ME1: variants seen among roughly 807,000 people sequenced by gnomAD.
ME1 encodes the protein NADP-dependent malic enzyme.
Under a neutral mutation model 66.4 loss-of-function variants are expected in ME1, and 74 were observed. The observed-to-expected ratio is 1.11, with a 90% CI of 0.92 to 1.35. The LOEUF (loss-of-function observed/expected upper bound fraction) is 1.35, where lower values mean the gene tolerates loss of function less well. Among genes scored for constraint, ME1 ranks in the 40% most tolerant of loss-of-function variants. The pLI is 0.00. For synonymous variants in ME1, 251 were observed against 235.6 expected, an observed-to-expected ratio of 1.07 and a Z score of -0.60; for missense variants, 750 against 694.1, an observed-to-expected ratio of 1.08 and a Z score of -0.90.
At chr6:83,281,454 T>A (rs1767284779) in intron 6 of ME1, among the ~76,000 whole-genome samples, 1 of 152,050 alleles carries the variant, frequency 6.6e-6, no homozygotes, top group Non-Finnish European at 1.5e-5. Context: ...TCTTACATTA[T>A]CTAAACTAAT....
chr6:83,384,009 C>T (rs985559733), intron 3 of ME1, among the ~76,000 whole-genome samples: 9 of 151,768 alleles, frequency 5.9e-5, no homozygotes, highest in Non-Finnish European at 8.8e-5. Context: ...TGATTTCATT[C>T]TTTTTATGGC....
intron 5 of ME1, among the ~76,000 whole-genome samples, chr6:83,324,924 T>G (rs1369396795): frequency 6.6e-6 from 1 of 151,988 alleles, no homozygotes; most frequent in Non-Finnish European, 1.5e-5. Flanking sequence ...ACAAGAAAAT[T>G]TCAGGCCAAT....
chr6:83,238,047 C>T (rs1790447981), intron 8 of ME1, among the ~76,000 whole-genome samples: 1 of 152,102 alleles, frequency 6.6e-6, no homozygotes, highest in Non-Finnish European at 1.5e-5. Context: ...CCTTGATTGT[C>T]AGTGTATTTA....
intron 3 of ME1, among the ~76,000 whole-genome samples, chr6:83,369,656 GAA>G (rs1554271153): frequency 5.0e-5 from 3 of 59,612 alleles, no homozygotes; most frequent in African/African-American, 1.7e-4. Flanking sequence ...ACAGAGAGAG[GAA>G]GGAAGGAAGG....
At chr6:83,424,974 C>G (rs998331757) in intron 1 of ME1, among the ~76,000 whole-genome samples, 1 of 152,064 alleles carries the variant, frequency 6.6e-6, no homozygotes, top group African/African-American at 2.4e-5. Flanking sequence ...ACTCCTTCAG[C>G]CTCTGGATCT....
intron 6 of ME1, among the ~76,000 whole-genome samples, chr6:83,264,584 A>G (rs1766954473): frequency 6.6e-6 from 1 of 152,186 alleles, no homozygotes; most frequent in African/African-American, 2.4e-5. Context: ...AAACATCAAC[A>G]TTAATGGGAG....
intron 5 of ME1, among the ~76,000 whole-genome samples, chr6:83,321,561 A>G (rs2128540416): frequency 6.6e-6 from 1 of 152,228 alleles, no homozygotes; most frequent in African/African-American, 2.4e-5. Flanking sequence ...GAAGCCCACC[A>G]CAGCACCACA....
chr6:83,406,452 C>T (rs1241768044), intron 2 of ME1, among the ~76,000 whole-genome samples: 1 of 152,180 alleles, frequency 6.6e-6, no homozygotes, highest in Non-Finnish European at 1.5e-5. Flanking sequence ...GTGAATCCAT[C>T]TGATCCTGGG....
chr6:83,425,972 G>T (rs1348535105), intron 1 of ME1, among the ~76,000 whole-genome samples: 2 of 152,144 alleles, frequency 1.3e-5, no homozygotes, highest in Non-Finnish European at 2.9e-5. Context: ...GACTAGTATT[G>T]TTAATGCAGG....
At chr6:83,430,044 GCAT>G (rs1049806035) in intron 1 of ME1, among the ~76,000 whole-genome samples, 3 of 152,226 alleles carry the variant, frequency 2.0e-5, no homozygotes, top group Middle Eastern at 3.4e-3. Context: ...TGCTTATATT[GCAT>G]CACCAGTGAA....
At chr6:83,429,284 T>A (rs1469529655) in intron 1 of ME1, among the ~76,000 whole-genome samples, 1 of 151,494 alleles carries the variant, frequency 6.6e-6, no homozygotes, top group African/African-American at 2.4e-5. Context: ...ATAATAATAA[T>A]AAATTCTTGA....
intron 1 of ME1, among the ~76,000 whole-genome samples, chr6:83,416,706 T>G (rs1043961539): frequency 6.6e-6 from 1 of 151,782 alleles, no homozygotes; most frequent in East Asian, 1.9e-4. Context: ...CTGGGCAACA[T>G]AGTGAGATCC....
Position 83,340,992 on chromosome 6 carries a change from C to T in ME1, c.600+5181G>A, listed in dbSNP as rs149722448. On this transcript the variant is annotated intron_variant, in intron 5 of 13. Transcript: ENST00000369705. ...TTGAATAAGGGCCTAATCCTTTTATCTAGTAGCTTAGCGACCATAACTGAG... is the reference window on the plus strand; with the variant it reads ...TTGAATAAGGGCCTAATCCTTTTATTTAGTAGCTTAGCGACCATAACTGAG... 6.8e-3 allele frequency among the ~76,000 whole-genome samples: 1,029 copies of T among 152,122 alleles called. 9 individuals carry two copies. The highest frequency in any genetic ancestry group is 0.01 in the Non-Finnish European group (705 of 68,002).
At chr6:83,374,062 A>G (rs947577510) in intron 3 of ME1, among the ~76,000 whole-genome samples, 11 of 152,176 alleles carry the variant, frequency 7.2e-5, no homozygotes, top group African/African-American at 2.7e-4. Context: ...CAATAAACAT[A>G]TGTGTGCATG....
At chr6:83,344,931 A>G (rs1259509958) in intron 5 of ME1, among the ~76,000 whole-genome samples, 1 of 151,818 alleles carries the variant, frequency 6.6e-6, no homozygotes, top group Non-Finnish European at 1.5e-5. Flanking sequence ...TTTTATTTCA[A>G]TGCAACTTAT....
chr6:83,317,686 T>A (rs1325948256), intron 5 of ME1, among the ~76,000 whole-genome samples: 1 of 152,178 alleles, frequency 6.6e-6, no homozygotes, highest in African/African-American at 2.4e-5. Context: ...CCCTTGCTCA[T>A]GGGTAGGAAG....
At chr6:83,392,283 C>T (rs1015297333) in intron 3 of ME1, 3 of 496,806 alleles carry the variant, frequency 6.0e-6, no homozygotes, top group African/African-American at 2.1e-5. Flanking sequence ...ATCAATGACC[C>T]CTTCATTGAC....
intron 3 of ME1, among the ~76,000 whole-genome samples, chr6:83,370,660 C>T (rs564738352): frequency 1.4e-4 from 21 of 152,164 alleles, no homozygotes; most frequent in African/African-American, 5.1e-4. Flanking sequence ...TCTTTCCAAA[C>T]ATTACAAATA....
At chr6:83,355,515 C>T (rs1768871222) in intron 3 of ME1, among the ~76,000 whole-genome samples, 1 of 152,066 alleles carries the variant, frequency 6.6e-6, no homozygotes, top group Admixed American at 6.5e-5. Context: ...AGTCATTTGG[C>T]CACCTGTAAT....
Sources: allele counts gnomAD v4.1 joint callset (sites outside exome capture counted in the v4.1 genomes callset), GRCh38; gene constraint gnomAD v4.1.1; transcripts MANE v1.5; gene names NCBI Gene and HGNC (gene_info 2026-07-23, HGNC 2026-07-21).